The following SYN3 variants were observed in gnomAD, a reference collection of about 807,000 sequenced individuals.
The protein encoded by SYN3 is synapsin III, also known as synapsin-3.
In SYN3, 35 loss-of-function variants were observed where a neutral mutation model predicts 65.8. The ratio of observed to expected loss-of-function variants is 0.53; its 90% CI spans 0.41 to 0.70. The LOEUF (loss-of-function observed/expected upper bound fraction) is 0.70, where lower values mean the gene tolerates loss of function less well. Ranked by LOEUF, SYN3 falls within the 30% of genes least tolerant of loss-of-function variation. The pLI, the probability that SYN3 is intolerant of heterozygous loss-of-function variation, is 0.00. For synonymous variants in SYN3, 270 were observed against 292.9 expected, an observed-to-expected ratio of 0.92 and a Z score of 0.80; for missense variants, 680 against 749.0, an observed-to-expected ratio of 0.91 and a Z score of 1.08.
At chr22:32,782,073 A>ATT (rs57236777) in intron 6 of SYN3, among the ~76,000 whole-genome samples, 2 of 144,040 alleles carry the variant, frequency 1.4e-5, no homozygotes, top group South Asian at 2.2e-4. Context: ...AGGCTCTGTA[A>ATT]TTTTTTTTTT....
At chr22:32,956,158 C>CTT (rs1362683300) in intron 3 of SYN3, among the ~76,000 whole-genome samples, 5 of 121,052 alleles carry the variant, frequency 4.1e-5, no homozygotes, top group Admixed American at 8.4e-5. Flanking sequence ...CCCCTACTAA[C>CTT]TTTTTTTTTT....
At chr22:32,586,096 A>C (rs1434908934) in intron 7 of SYN3, among the ~76,000 whole-genome samples, 1 of 150,100 alleles carries the variant, frequency 6.7e-6, no homozygotes, top group African/African-American at 2.4e-5. Context: ...ATATATGTAT[A>C]TATGTATACA....
At chr22:32,920,169 T>A (rs577130866) in intron 4 of SYN3, among the ~76,000 whole-genome samples, 2 of 152,250 alleles carry the variant, frequency 1.3e-5, no homozygotes, top group South Asian at 4.1e-4. Context: ...TTTGAACGGG[T>A]GCCTATAATT....
intron 7 of SYN3, among the ~76,000 whole-genome samples, chr22:32,543,502 T>C (rs910718057): frequency 3.3e-5 from 5 of 152,176 alleles, no homozygotes; most frequent in African/African-American, 9.7e-5. Flanking sequence ...AGGTCTCAAT[T>C]TGCAGAGAAA....
intron 6 of SYN3, among the ~76,000 whole-genome samples, chr22:32,679,241 C>T (rs2147103938): frequency 6.6e-6 from 1 of 151,946 alleles, no homozygotes; most frequent in African/African-American, 2.4e-5. Flanking sequence ...TTAGTAGAGA[C>T]AGGGTTTCAC....
chr22:32,865,645 C>T (rs770093403), intron 5 of SYN3, among the ~76,000 whole-genome samples: 2 of 152,188 alleles, frequency 1.3e-5, no homozygotes, highest in Non-Finnish European at 2.9e-5. Context: ...ACAGCTCAAG[C>T]CACATCCCTT....
chr22:32,518,906 TA>T (rs2057826444), intron 12 of SYN3, among the ~76,000 whole-genome samples: 1 of 152,176 alleles, frequency 6.6e-6, no homozygotes, highest in East Asian at 1.9e-4. Context: ...TAATTAAAGT[TA>T]AATGAGGTGA....
intron 4 of SYN3, among the ~76,000 whole-genome samples, chr22:32,900,739 A>AT (rs1419274256): frequency 6.6e-6 from 1 of 152,240 alleles, no homozygotes; most frequent in African/African-American, 2.4e-5. Context: ...TGAGGATTTA[A>AT]AGACCTGGAC....
At chr22:32,940,004 T>G (rs554641692) in intron 3 of SYN3, among the ~76,000 whole-genome samples, 1 of 152,350 alleles carries the variant, frequency 6.6e-6, no homozygotes, top group East Asian at 1.9e-4. Context: ...TGTGTCTTTT[T>G]CAACACTTAG....
At chr22:32,657,415 G>A (rs75683329) in intron 6 of SYN3, among the ~76,000 whole-genome samples, 2 of 150,528 alleles carry the variant, frequency 1.3e-5, no homozygotes, top group East Asian at 2.0e-4. Context: ...GAGCCACCGC[G>A]CCCGGCCCGA....
chr22:32,985,666 C>T (rs746236028), intron 2 of SYN3, among the ~76,000 whole-genome samples: 1 of 151,988 alleles, frequency 6.6e-6, no homozygotes, highest in Non-Finnish European at 1.5e-5. Flanking sequence ...CTTTTTGGAT[C>T]CAGTCCAGAG....
At chr22:32,576,753 C>G (rs1295597934) in intron 7 of SYN3, among the ~76,000 whole-genome samples, 1 of 152,050 alleles carries the variant, frequency 6.6e-6, no homozygotes, top group Non-Finnish European at 1.5e-5. Flanking sequence ...CCCTTATCAT[C>G]TCTTCTCTGA....
chr22:32,661,265 C>G (rs2060212438), intron 6 of SYN3, among the ~76,000 whole-genome samples: 1 of 152,240 alleles, frequency 6.6e-6, no homozygotes, highest in Admixed American at 6.5e-5. Context: ...CTAGCACCTC[C>G]ACCTTCCCCT....
chr22:32,523,831 G>A (rs774023609), intron 12 of SYN3, among the ~76,000 whole-genome samples: 3 of 152,242 alleles, frequency 2.0e-5, no homozygotes, highest in African/African-American at 4.8e-5. Flanking sequence ...AGTTAGCTAA[G>A]TTGTGAATGT....
At chr22:32,621,384 G>T (rs1320301279) in intron 6 of SYN3, among the ~76,000 whole-genome samples, 1 of 151,758 alleles carries the variant, frequency 6.6e-6, no homozygotes, top group Non-Finnish European at 1.5e-5. Context: ...AATGAACCAG[G>T]AACGTATGCT....
chr22:32,922,280 GC>G (rs2050354436), intron 4 of SYN3, among the ~76,000 whole-genome samples: 1 of 152,146 alleles, frequency 6.6e-6, no homozygotes, highest in Non-Finnish European at 1.5e-5. Flanking sequence ...TCCTAGCTTT[GC>G]CACTTATTGG....
At chr22:32,968,025 T>C (rs1026184316) in intron 3 of SYN3, among the ~76,000 whole-genome samples, 1 of 152,190 alleles carries the variant, frequency 6.6e-6, no homozygotes, top group East Asian at 1.9e-4. Flanking sequence ...CAAGTTGACA[T>C]GTGCAGTGTG....
chr22:33,056,550 C>T (rs543377274), intron 1 of SYN3, among the ~76,000 whole-genome samples: 1 of 152,342 alleles, frequency 6.6e-6, no homozygotes, highest in Admixed American at 6.5e-5. Flanking sequence ...TCAAAGGCCT[C>T]GTCTCTTTGT....
At chr22:32,858,702 C>T (rs1162220029) in intron 6 of SYN3, among the ~76,000 whole-genome samples, 1 of 152,170 alleles carries the variant, frequency 6.6e-6, no homozygotes, top group Non-Finnish European at 1.5e-5. Context: ...GTTTTAATTA[C>T]TATGATCTCC....
Sources: allele counts gnomAD v4.1 joint callset (sites outside exome capture counted in the v4.1 genomes callset), GRCh38; gene constraint gnomAD v4.1.1; transcripts MANE v1.5; gene names NCBI Gene and HGNC (gene_info 2026-07-23, HGNC 2026-07-21).